The following MIR2052HG variants were observed in gnomAD, a reference collection of about 807,000 sequenced individuals.
MIR2052HG encodes the protein MIR2052 host gene.
intron 2 of MIR2052HG, among the ~76,000 whole-genome samples, chr8:74,676,234 A>G (rs1027525034): frequency 6.6e-6 from 1 of 152,066 alleles, no homozygotes; most frequent in Admixed American, 6.6e-5. Context: ...ATTATTTTAA[A>G]CATATGTAGA....
chr8:74,630,639 A>G (rs780676294), intron 2 of MIR2052HG, among the ~76,000 whole-genome samples: 1 of 152,178 alleles, frequency 6.6e-6, no homozygotes, highest in Non-Finnish European at 1.5e-5. Context: ...CTTCAGAAAC[A>G]AGTTCTCTGG....
intron 2 of MIR2052HG, among the ~76,000 whole-genome samples, chr8:74,680,397 G>T (rs191684540): frequency 7.3e-4 from 111 of 152,154 alleles, no homozygotes; most frequent in African/African-American, 2.6e-3. Flanking sequence ...CAAAAAGTGG[G>T]TGAAGGACAT....
At chr8:74,629,795 G>C (rs983779932) in intron 2 of MIR2052HG, among the ~76,000 whole-genome samples, 2 of 152,064 alleles carry the variant, frequency 1.3e-5, no homozygotes, top group African/African-American at 4.8e-5. Context: ...ACTCCTCTTT[G>C]ACAAAGCTTG....
chr8:74,647,682 G>A lies in MIR2052HG; in HGVS notation n.216+34742G>A, dbSNP rs1040256692. The stretch of plus-strand genomic sequence containing the variant: ...CTATTATTTGTTTCTTATTTGTTGC[G>A]GGAAGTCAGGGACCCAGAATGGAGG... On this transcript the variant is annotated intron_variant and non_coding_transcript_variant, in intron 2 of 6. Coordinates refer to ENST00000523442, the Ensembl canonical transcript of MIR2052HG. 4.6e-5 allele frequency among the ~76,000 whole-genome samples: 7 copies of A among 152,102 alleles called. No homozygotes were observed. In the East Asian group the frequency reaches 9.6e-4, roughly 21 times the overall value.
At chr8:74,733,405 A>C (rs1446405341) in intron 4 of MIR2052HG, among the ~76,000 whole-genome samples, 2 of 152,310 alleles carry the variant, frequency 1.3e-5, no homozygotes, top group East Asian at 1.9e-4. Flanking sequence ...TACAAAGGAC[A>C]TAAATTCATC....
At chr8:74,752,934 G>T (rs533789433) in intron 5 of MIR2052HG, among the ~76,000 whole-genome samples, 1 of 152,268 alleles carries the variant, frequency 6.6e-6, no homozygotes, top group Admixed American at 6.5e-5. Flanking sequence ...TCCTTAAAAC[G>T]GCAACTTTAT....
rs531866004 is a variant in MIR2052HG, at chr8:74,614,667, A to G, written n.216+1727A>G. Among the ~76,000 whole-genome samples, 13 of 151,532 alleles carry G rather than the reference A, an allele frequency of 8.6e-5. No individual in the cohort carries two copies. The East Asian group carries it at 2.3e-3, about 27-fold the overall frequency. ...TTTCTTTATTTCTATTCTGATTCCT[A>G]TTTCTTTTCTTTTTTTCTCTTTCCT... On this transcript the variant is annotated intron_variant and non_coding_transcript_variant, in intron 2 of 6. Coordinates refer to ENST00000523442, the Ensembl canonical transcript of MIR2052HG.
At chr8:74,757,743 A>G (rs1233409669) in intron 5 of MIR2052HG, 1 of 152,166 alleles carries the variant, frequency 6.6e-6, no homozygotes, top group African/African-American at 2.4e-5. Flanking sequence ...TACATATTAA[A>G]GAGTCCTTCA....
chr8:74,720,762 C>T (rs992726231), intron 4 of MIR2052HG, among the ~76,000 whole-genome samples: 2 of 151,978 alleles, frequency 1.3e-5, no homozygotes, highest in Admixed American at 6.6e-5. Context: ...TATATATGTA[C>T]ACATATATAT....
At chr8:74,709,846 A>G (rs1164575342) in intron 4 of MIR2052HG, among the ~76,000 whole-genome samples, 1 of 152,154 alleles carries the variant, frequency 6.6e-6, no homozygotes, top group Admixed American at 6.6e-5. Context: ...TGAGTGAGTG[A>G]TATTTCAGAA....
rs185401986 is a variant in MIR2052HG at position 74,658,178 on chromosome 8, A to G, written n.217-44201A>G. Among the ~76,000 whole-genome samples the G allele has an allele frequency of 1.4e-3, 213 of 152,222 alleles. 1 individual carries two copies. The highest frequency in any genetic ancestry group is 4.9e-3 in the African/African-American group (203 of 41,532). On this transcript the variant is annotated intron_variant and non_coding_transcript_variant, in intron 2 of 6. Transcript: ENST00000523442. ...ATCTTCTCAGTGAGACCAATACACA[A>G]TTAAGCTTGCATTTAGAATTTCATC...
chr8:74,678,765 G>A (rs1302014742), intron 2 of MIR2052HG, among the ~76,000 whole-genome samples: 5 of 151,752 alleles, frequency 3.3e-5, no homozygotes, highest in Non-Finnish European at 7.4e-5. Context: ...AGAAATGACA[G>A]TAATATAATA....
intron 2 of MIR2052HG, among the ~76,000 whole-genome samples, chr8:74,683,576 T>G (rs1444147807): frequency 6.6e-6 from 1 of 152,166 alleles, no homozygotes; most frequent in Non-Finnish European, 1.5e-5. Flanking sequence ...TTGATTCATT[T>G]TAACCATCCA....
intron 4 of MIR2052HG, among the ~76,000 whole-genome samples, chr8:74,732,124 T>G (rs1809698759): frequency 6.6e-6 from 1 of 151,992 alleles, no homozygotes; most frequent in Admixed American, 6.6e-5. Flanking sequence ...TGGAAAACAT[T>G]GAAAATTAAA....
intron 2 of MIR2052HG, among the ~76,000 whole-genome samples, chr8:74,663,884 G>A (rs1315668762): frequency 2.0e-5 from 3 of 152,128 alleles, no homozygotes; most frequent in Non-Finnish European, 4.4e-5. Context: ...AAACCTCAGG[G>A]ATCTCTTTAA....
Position 74,724,267 on chromosome 8 carries a change from G to C in MIR2052HG, n.371+20585G>C, listed in dbSNP as rs143840117. On this transcript the variant is annotated intron_variant and non_coding_transcript_variant, in intron 4 of 6. Coordinates refer to ENST00000523442, the Ensembl canonical transcript of MIR2052HG. Reference sequence around the variant, plus strand: ...AACTTTAAAAAAAAAACCATGTGCAGAATATGACATTTGCTTAATGCTTTC... The same window carrying C: ...AACTTTAAAAAAAAAACCATGTGCACAATATGACATTTGCTTAATGCTTTC... Among the ~76,000 whole-genome samples the C allele has an allele frequency of 9.9e-5, 15 of 152,196 alleles. 2 individuals carry two copies. The East Asian group carries it at 2.9e-3, about 29-fold the overall frequency.
intron 4 of MIR2052HG, among the ~76,000 whole-genome samples, chr8:74,704,248 C>T (rs537441599): frequency 6.6e-6 from 1 of 151,988 alleles, no homozygotes; most frequent in Non-Finnish European, 1.5e-5. Flanking sequence ...TCTTTCTATA[C>T]TTCTTGGCAA....
chr8:74,607,925 A>G (rs1808135820), intron 1 of MIR2052HG, among the ~76,000 whole-genome samples: 1 of 152,222 alleles, frequency 6.6e-6, no homozygotes, highest in African/African-American at 2.4e-5. Context: ...GGAGAAAGCA[A>G]GCAGGTGTGG....
At chr8:74,637,653 T>C (rs1808597710) in intron 2 of MIR2052HG, among the ~76,000 whole-genome samples, 1 of 152,168 alleles carries the variant, frequency 6.6e-6, no homozygotes. Context: ...TCTAAGATTC[T>C]TCTAGCAAGC....
Sources: gnomAD v4.1 joint callset for allele counts (sites outside exome capture counted in the v4.1 genomes callset) on GRCh38, gnomAD v4.1.1 for gene constraint, MANE v1.5 for transcripts, NCBI Gene and HGNC (gene_info 2026-07-23, HGNC 2026-07-21) for gene names.